The following WWOX variants were observed in gnomAD, a reference collection of about 807,000 sequenced individuals.
The protein encoded by WWOX is WW domain-containing oxidoreductase.
Under a neutral mutation model 46.2 loss-of-function variants are expected in WWOX, and 69 were observed. The observed-to-expected ratio is 1.49, with a 90% CI of 1.23 to 1.82. The LOEUF (loss-of-function observed/expected upper bound fraction) is 1.82, where lower values mean the gene tolerates loss of function less well. WWOX is among the 40% of genes most tolerant of loss of function. The pLI is 0.00. For missense variants in WWOX, 919 were observed against 542.6 expected (o/e 1.69, Z -6.89); for synonymous variants, 359 against 202.6 (o/e 1.77, Z -6.56).
intron 8 of WWOX, among the ~76,000 whole-genome samples, chr16:78,760,510 C>G (rs11150098): frequency 0.57 from 86,839 of 152,024 alleles, 27,225 homozygotes; most frequent in Non-Finnish European, 0.7. Context: ...CATTACTCAG[C>G]CCAACACACT....
At chr16:79,117,328 G>A (rs1032237169) in intron 8 of WWOX, among the ~76,000 whole-genome samples, 1 of 152,110 alleles carries the variant, frequency 6.6e-6, no homozygotes, top group Admixed American at 6.5e-5. Context: ...ATTTTTAAAG[G>A]AATACAAATT....
chr16:78,280,896 T>C (rs1383146167), intron 5 of WWOX: 1 of 153,216 alleles, frequency 6.5e-6, no homozygotes, highest in Non-Finnish European at 1.5e-5. Context: ...AAAAATCGGA[T>C]TCATCAAATG....
At chr16:78,548,357 G>C (rs962620462) in intron 8 of WWOX, among the ~76,000 whole-genome samples, 2 of 151,488 alleles carry the variant, frequency 1.3e-5, no homozygotes, top group African/African-American at 2.4e-5. Context: ...AAAAAATCCA[G>C]ATTGCTTAGA....
At position 78,547,196 on chromosome 16, in the gene WWOX, A is replaced by C. The variant is rs1214636594; in HGVS notation, c.1056+114444A>C. Among the ~76,000 whole-genome samples, 7 of 149,648 alleles carry C rather than the reference A, an allele frequency of 4.7e-5. No individual in the cohort carries two copies. The East Asian group carries it at 6.0e-4, about 13-fold the overall frequency. On this transcript the variant is annotated intron_variant, in intron 8 of 8. Transcript: ENST00000566780. ...CCTGTTGGAATGTCTGCCAGTTTCA[A>C]CCCACGGGGATAGGGTGAGATGAAC...
chr16:78,975,788 C>G (rs544184923), intron 8 of WWOX, among the ~76,000 whole-genome samples: 1 of 152,244 alleles, frequency 6.6e-6, no homozygotes, highest in East Asian at 1.9e-4. Flanking sequence ...GCCTTTCAGA[C>G]AATTCTGCCA....
chr16:78,565,713 A>C (rs945859609), intron 8 of WWOX, among the ~76,000 whole-genome samples: 5 of 152,088 alleles, frequency 3.3e-5, no homozygotes, highest in Non-Finnish European at 5.9e-5. Flanking sequence ...CACAACCACT[A>C]ATTCTGGACT....
intron 8 of WWOX, among the ~76,000 whole-genome samples, chr16:79,142,543 A>C (rs1364112384): frequency 6.6e-6 from 1 of 152,216 alleles, no homozygotes; most frequent in Non-Finnish European, 1.5e-5. Context: ...GGAAGAGGTA[A>C]CATTGATCTT....
At chr16:78,731,862 T>TTTTTTTTTTTCTTTTTTTG (rs34201735) in intron 8 of WWOX, among the ~76,000 whole-genome samples, 1 of 137,802 alleles carries the variant, frequency 7.3e-6, no homozygotes, top group African/African-American at 3.1e-5. Flanking sequence ...TTTTTTTTTT[T>TTTTTTTTTTTCTTTTTTTG]TGAGAGACAG....
At chr16:78,443,320 A>C (rs2083487445) in intron 8 of WWOX, among the ~76,000 whole-genome samples, 1 of 151,932 alleles carries the variant, frequency 6.6e-6, no homozygotes, top group African/African-American at 2.4e-5. Flanking sequence ...AACAAAAAAA[A>C]ACCCAAAACT....
intron 8 of WWOX, among the ~76,000 whole-genome samples, chr16:79,017,800 A>G (rs912371551): frequency 1.4e-4 from 21 of 152,168 alleles, no homozygotes; most frequent in African/African-American, 4.6e-4. Context: ...TATTTGCATA[A>G]CAAATTACAG....
chr16:78,987,176 A>G (rs1036292036), intron 8 of WWOX, among the ~76,000 whole-genome samples: 2 of 152,168 alleles, frequency 1.3e-5, no homozygotes, highest in African/African-American at 4.8e-5. Flanking sequence ...AGGTCTTTGA[A>G]ATTTAATGTC....
intron 8 of WWOX, among the ~76,000 whole-genome samples, chr16:78,432,989 G>T (rs764533369): frequency 1.3e-5 from 2 of 151,830 alleles, no homozygotes; most frequent in Non-Finnish European, 2.9e-5. Context: ...GTTAAGTATG[G>T]CTGAAAGTCC....
intron 8 of WWOX, among the ~76,000 whole-genome samples, chr16:79,150,473 T>C (rs896092857): frequency 5.9e-5 from 9 of 152,144 alleles, no homozygotes; most frequent in Non-Finnish European, 1.3e-4. Flanking sequence ...GCTAAATCTA[T>C]GTCCCCAATA....
intron 8 of WWOX, among the ~76,000 whole-genome samples, chr16:78,446,111 C>T (rs1362230397): frequency 6.6e-6 from 1 of 152,006 alleles, no homozygotes; most frequent in Non-Finnish European, 1.5e-5. Context: ...GTTTTTCTTC[C>T]TTTGGTGTGA....
chr16:78,921,967 T>G (rs1449661338), intron 8 of WWOX, among the ~76,000 whole-genome samples: 31 of 152,246 alleles, frequency 2.0e-4, no homozygotes, highest in South Asian at 2.1e-4. Flanking sequence ...TGGGGCAAAG[T>G]CCAAGACAAG....
chr16:78,611,049 T>C (rs1469301389), intron 8 of WWOX, among the ~76,000 whole-genome samples: 2 of 152,190 alleles, frequency 1.3e-5, no homozygotes, highest in South Asian at 2.1e-4. Flanking sequence ...TTCAATCATA[T>C]GTTGTTTAAT....
chr16:78,955,914 C>G (rs572247420), intron 8 of WWOX, among the ~76,000 whole-genome samples: 1 of 151,762 alleles, frequency 6.6e-6, no homozygotes, highest in Non-Finnish European at 1.5e-5. Flanking sequence ...TCCCAAAGTG[C>G]TGAGATTACA....
At chr16:79,093,894 C>T (rs2049015258) in intron 8 of WWOX, among the ~76,000 whole-genome samples, 1 of 152,180 alleles carries the variant, frequency 6.6e-6, no homozygotes, top group South Asian at 2.1e-4. Context: ...GCTTCCTGGC[C>T]ACTTTCTCGC....
chr16:78,618,525 A>G (rs960839706), intron 8 of WWOX, among the ~76,000 whole-genome samples: 2 of 152,118 alleles, frequency 1.3e-5, no homozygotes, highest in Non-Finnish European at 2.9e-5. Context: ...GGTCCACCAT[A>G]TAATGACTTT....
Sources: gnomAD v4.1 joint callset for allele counts (sites outside exome capture counted in the v4.1 genomes callset) on GRCh38, gnomAD v4.1.1 for gene constraint, MANE v1.5 for transcripts, NCBI Gene and HGNC (gene_info 2026-07-23, HGNC 2026-07-21) for gene names.